Variants in PHTF2 observed in about 807,000 individuals in gnomAD.
The protein encoded by PHTF2 is protein PHTF2.
In PHTF2, 60 loss-of-function variants were observed where a neutral mutation model predicts 101.2. The observed-to-expected ratio is 0.59, with a 90% CI of 0.48 to 0.73. The LOEUF is 0.73. PHTF2 is among the 30% of genes least tolerant of loss of function. PHTF2 has a pLI of 0.00. For missense variants in PHTF2, 747 were observed against 908.7 expected, an observed-to-expected ratio of 0.82 and a Z score of 2.29; for synonymous variants, 311 against 307.3, an observed-to-expected ratio of 1.01 and a Z score of -0.13.
intron 3 of PHTF2, among the ~76,000 whole-genome samples, chr7:77,875,018 T>C (rs1387936421): frequency 6.6e-6 from 1 of 152,252 alleles, no homozygotes; most frequent in African/African-American, 2.4e-5. Flanking sequence ...TTTTGGTTAC[T>C]ATAGGTTTGT....
chr7:77,912,203 A>G (rs1012882112), intron 9 of PHTF2, among the ~76,000 whole-genome samples: 2 of 152,222 alleles, frequency 1.3e-5, no homozygotes, highest in African/African-American at 2.4e-5. Context: ...GCTGTCCATT[A>G]TAGTGGCGAA....
chr7:77,911,983 C>A (rs555189406), intron 9 of PHTF2, among the ~76,000 whole-genome samples: 1 of 152,132 alleles, frequency 6.6e-6, no homozygotes, highest in South Asian at 2.1e-4. Flanking sequence ...TTATAAATAG[C>A]GTAATGGATA....
At chr7:77,867,785 T>TG (rs1318114687) in intron 3 of PHTF2, among the ~76,000 whole-genome samples, 1 of 152,194 alleles carries the variant, frequency 6.6e-6, no homozygotes, top group Non-Finnish European at 1.5e-5. Context: ...CATCTTAGAT[T>TG]GGGTGATAGA....
Position 77,954,842 on chromosome 7 carries a change from A to ATTT in PHTF2, c.2338-7_2338-5dup, listed in dbSNP as rs59882937. ...TTAAAACTGGCTTGTCACCACTTCT[A>ATTT]TTTTTTTTTTTCTAGCTATGGAAGA... On this transcript the variant is annotated splice_polypyrimidine_tract_variant and intron_variant, in intron 19 of 19. Transcript: ENST00000416283. The ATTT allele has an allele frequency of 5.1e-5, 62 of 1,214,020 alleles. No homozygotes were observed. Among genetic ancestry groups the ATTT allele is most frequent in the South Asian group, 2.3e-4 (16 of 69,482 alleles). 75.2% of individuals were successfully genotyped at this position (1,214,020 alleles called of 1,614,324 possible). A position where few individuals can be genotyped will look rare whatever the true frequency, so the allele number is the denominator to read the frequency against.
intron 6 of PHTF2, among the ~76,000 whole-genome samples, chr7:77,901,056 G>T (rs896482069): frequency 9.2e-5 from 14 of 152,180 alleles, no homozygotes; most frequent in African/African-American, 3.4e-4. Flanking sequence ...AGGAGCCAGA[G>T]AGTGGTAGTG....
chr7:77,893,541 A>C (rs1472539840), intron 3 of PHTF2, 67 bp from the exon 3 acceptor site: 4 of 659,580 alleles, frequency 6.1e-6, no homozygotes, highest in Non-Finnish European at 8.1e-6. Context: ...CTTGTATTTC[A>C]AGCAGAGTTA....
intron 9 of PHTF2, among the ~76,000 whole-genome samples, chr7:77,912,546 T>G (rs1802494884): frequency 6.6e-6 from 1 of 152,064 alleles, no homozygotes; most frequent in Non-Finnish European, 1.5e-5. Context: ...TTAAGTTATC[T>G]CTGTTAACAT....
intron 3 of PHTF2, among the ~76,000 whole-genome samples, chr7:77,885,789 C>A (rs1799790637): frequency 6.6e-6 from 1 of 152,172 alleles, no homozygotes; most frequent in South Asian, 2.1e-4. Flanking sequence ...CAAAATTAGA[C>A]AGCATTTATC....
chr7:77,806,948 G>A (rs1793040518), intron 1 of PHTF2, among the ~76,000 whole-genome samples: 2 of 152,094 alleles, frequency 1.3e-5, no homozygotes, highest in Non-Finnish European at 2.9e-5. Flanking sequence ...TATTTGTGCT[G>A]TATATTATAA....
At chr7:77,810,834 A>C (rs1793383317) in intron 1 of PHTF2, among the ~76,000 whole-genome samples, 1 of 151,904 alleles carries the variant, frequency 6.6e-6, no homozygotes, top group Non-Finnish European at 1.5e-5. Context: ...CACCCCACCC[A>C]GCTGAATGAC....
At chr7:77,855,579 A>G (rs1367279167) in intron 3 of PHTF2, among the ~76,000 whole-genome samples, 1 of 152,132 alleles carries the variant, frequency 6.6e-6, no homozygotes, top group African/African-American at 2.4e-5. Flanking sequence ...TGTGGCCTAG[A>G]GTGCCTTTCA....
intron 13 of PHTF2, among the ~76,000 whole-genome samples, chr7:77,938,940 A>G (rs1191970674): frequency 6.6e-6 from 1 of 152,204 alleles, no homozygotes; most frequent in Non-Finnish European, 1.5e-5. Flanking sequence ...AGAAATTGAT[A>G]ATACTCCCTA....
At chr7:77,857,856 A>G (rs1797310762) in intron 3 of PHTF2, among the ~76,000 whole-genome samples, 1 of 152,212 alleles carries the variant, frequency 6.6e-6, no homozygotes, top group African/African-American at 2.4e-5. Context: ...TTATTGTTAC[A>G]TGGGTCAGCT....
intron 1 of PHTF2, among the ~76,000 whole-genome samples, chr7:77,818,096 G>A (rs185145665): frequency 1.1e-3 from 162 of 146,818 alleles, no homozygotes; most frequent in African/African-American, 3.9e-3. Context: ...GGCAATGAGA[G>A]CAAAACTCCG....
At position 77,941,612 on chromosome 7, in the gene PHTF2, CCTAGTTTAATCT is replaced by C. The variant is rs200169922; in HGVS notation, c.1872+959_1872+970del. Among the ~76,000 whole-genome samples, 69 of 152,256 alleles carry C rather than the reference CCTAGTTTAATCT, an allele frequency of 4.5e-4. No individual in the cohort carries two copies. The East Asian group carries it at 0.013, about 28-fold the overall frequency. ...ATGTAAGCCCAGACCTAGGAATTAT[CCTAGTTTAATCT>C]CTAGTCTCCAATTTATCACCAATTC... On this transcript the variant is annotated intron_variant, in intron 15 of 19. Coordinates refer to ENST00000416283, the Ensembl canonical transcript of PHTF2.
intron 1 of PHTF2, among the ~76,000 whole-genome samples, chr7:77,821,924 G>A (rs910176217): frequency 3.3e-5 from 5 of 152,222 alleles, no homozygotes; most frequent in Non-Finnish European, 5.9e-5. Context: ...TGTGCCCAGG[G>A]ACAGGACTGT....
intron 3 of PHTF2, among the ~76,000 whole-genome samples, chr7:77,889,105 AAGTCTTG>A (rs1188058521): frequency 3.9e-5 from 6 of 152,274 alleles, no homozygotes; most frequent in Middle Eastern, 3.4e-3. Context: ...CCATGACCCT[AAGTCTTG>A]AGAAGATGGT....
At chr7:77,832,511 C>T (rs1795149262) in intron 1 of PHTF2, among the ~76,000 whole-genome samples, 1 of 152,224 alleles carries the variant, frequency 6.6e-6, no homozygotes. Flanking sequence ...ATGTTTGAGA[C>T]AACTTCAAAT....
exon 7 of PHTF2, chr7:77,901,762 G>T: frequency 6.7e-7 from 1 of 1,485,116 alleles, no homozygotes; most frequent in South Asian, 1.4e-5. Flanking sequence ...CTTTTTTCAG[G>T]GTCTGCATTT....
Sources: allele counts gnomAD v4.1 joint callset (sites outside exome capture counted in the v4.1 genomes callset), GRCh38; gene constraint gnomAD v4.1.1; transcripts MANE v1.5; gene names NCBI Gene and HGNC (gene_info 2026-07-23, HGNC 2026-07-21).